Variants in SRGAP3 observed in about 807,000 individuals in gnomAD.
The protein encoded by SRGAP3 is SLIT-ROBO Rho GTPase-activating protein 3.
A neutral mutation model predicts 121.1 loss-of-function variants in SRGAP3; 39 were observed. The ratio of observed to expected loss-of-function variants is 0.32; its 90% CI spans 0.25 to 0.42. SRGAP3 has a LOEUF of 0.42. Ranked by LOEUF, SRGAP3 falls within the 10% of genes least tolerant of loss-of-function variation. The pLI is 1.00. For synonymous variants in SRGAP3, 601 were observed against 570.0 expected, an observed-to-expected ratio of 1.05 and a Z score of -0.77; for missense variants, 1,213 against 1,470.6, an observed-to-expected ratio of 0.82 and a Z score of 2.86.
chr3:8,989,447 C>G (rs1323450132), intron 21 of SRGAP3, among the ~76,000 whole-genome samples: 1 of 152,212 alleles, frequency 6.6e-6, no homozygotes, highest in African/African-American at 2.4e-5. Context: ...CCCTGGGAAC[C>G]CTGCCTGGCC....
intron 3 of SRGAP3, among the ~76,000 whole-genome samples, chr3:9,082,042 C>A (rs761020683): frequency 1.3e-5 from 2 of 152,180 alleles, no homozygotes; most frequent in Non-Finnish European, 2.9e-5. Flanking sequence ...GCATTGGAGG[C>A]AGAGCCTGGC....
At chr3:9,015,456 G>T (rs529635579) in intron 15 of SRGAP3, 141 bp downstream of exon 15, 2 of 1,102,696 alleles carry the variant, frequency 1.8e-6, no homozygotes, top group Non-Finnish European at 2.6e-6. Context: ...TGTTATTTCC[G>T]CTTTCAGTTC....
At chr3:9,280,973 G>GT (rs1954666158) in intron 3 of SRGAP3, among the ~76,000 whole-genome samples, 1 of 152,116 alleles carries the variant, frequency 6.6e-6, no homozygotes, top group African/African-American at 2.4e-5. Context: ...GAATTGTTGG[G>GT]GGTGGTGGGA....
chr3:9,272,752 AT>A (rs1384488262), intron 3 of SRGAP3, among the ~76,000 whole-genome samples: 2 of 152,062 alleles, frequency 1.3e-5, no homozygotes, highest in Non-Finnish European at 2.9e-5. Context: ...GCTTTTAATT[AT>A]TTTTTGTATA....
chr3:9,256,371 C>G (rs1954132942), intron 3 of SRGAP3, among the ~76,000 whole-genome samples: 1 of 152,210 alleles, frequency 6.6e-6, no homozygotes, highest in South Asian at 2.1e-4. Context: ...AAAGTTTGCT[C>G]ATTTCCAGTG....
At chr3:9,331,017 T>G (rs1955596913) in intron 1 of SRGAP3, among the ~76,000 whole-genome samples, 1 of 152,236 alleles carries the variant, frequency 6.6e-6, no homozygotes, top group Non-Finnish European at 1.5e-5. Context: ...TTTAGTTTGC[T>G]TTAACAACTA....
intron 5 of SRGAP3, among the ~76,000 whole-genome samples, chr3:9,064,113 C>T (rs1946306836): frequency 6.6e-6 from 1 of 152,212 alleles, no homozygotes; most frequent in Admixed American, 6.5e-5. Flanking sequence ...TGAATCTCGT[C>T]ACAGTTCAGC....
chr3:9,155,288 T>A (rs1950377747), intron 1 of SRGAP3, among the ~76,000 whole-genome samples: 1 of 152,196 alleles, frequency 6.6e-6, no homozygotes, highest in South Asian at 2.1e-4. Context: ...GTTGTCCCTT[T>A]GTAGGTAATT....
chr3:9,267,315 T>C (rs188675082), intron 3 of SRGAP3, among the ~76,000 whole-genome samples: 1,769 of 152,272 alleles, frequency 0.012, 26 homozygotes, highest in African/African-American at 0.03. Context: ...ACAGAGATGC[T>C]TTCAGATATT....
chr3:9,116,901 C>T (rs1326842508), intron 2 of SRGAP3, among the ~76,000 whole-genome samples: 3 of 152,224 alleles, frequency 2.0e-5, no homozygotes. Context: ...TCACAGACCA[C>T]ATTTCCCATG....
At chr3:9,048,276 C>A (rs1945386427) in intron 9 of SRGAP3, among the ~76,000 whole-genome samples, 1 of 152,234 alleles carries the variant, frequency 6.6e-6, no homozygotes. Flanking sequence ...CTTCCCCCAC[C>A]TGCACTGTCA....
chr3:9,184,637 TAGGC>T (rs1951538951), intron 1 of SRGAP3, among the ~76,000 whole-genome samples: 1 of 152,172 alleles, frequency 6.6e-6, no homozygotes, highest in Non-Finnish European at 1.5e-5. Flanking sequence ...GAATGGGAAT[TAGGC>T]AGAGCCACTC....
intron 1 of SRGAP3, among the ~76,000 whole-genome samples, chr3:9,146,310 T>C (rs1281776598): frequency 6.6e-6 from 1 of 152,180 alleles, no homozygotes; most frequent in East Asian, 1.9e-4. Flanking sequence ...CACACAGCAT[T>C]TCCCTTAGAC....
At chr3:9,347,621 G>A (rs1955930588) in intron 1 of SRGAP3, among the ~76,000 whole-genome samples, 1 of 152,174 alleles carries the variant, frequency 6.6e-6, no homozygotes. Context: ...TAGCAGAAAA[G>A]AGGAGACAGA....
intron 3 of SRGAP3, among the ~76,000 whole-genome samples, chr3:9,314,680 C>T (rs573082799): frequency 1.3e-5 from 2 of 152,274 alleles, no homozygotes; most frequent in Admixed American, 1.3e-4. Context: ...CCCTGCCCTC[C>T]TCTCCCCAGT....
intron 1 of SRGAP3, among the ~76,000 whole-genome samples, chr3:9,331,174 A>C (rs1237784559): frequency 6.6e-6 from 1 of 152,236 alleles, no homozygotes; most frequent in Non-Finnish European, 1.5e-5. Flanking sequence ...AAACAAACAC[A>C]CACAAATAGC....
At chr3:9,229,558 T>C (rs1393116526) in intron 1 of SRGAP3, among the ~76,000 whole-genome samples, 3 of 152,156 alleles carry the variant, frequency 2.0e-5, no homozygotes, top group African/African-American at 7.2e-5. Context: ...AAGATTTCAT[T>C]TCCTAGCCAG....
intron 3 of SRGAP3, among the ~76,000 whole-genome samples, chr3:9,099,022 A>G (rs1194523730): frequency 6.6e-6 from 1 of 152,118 alleles, no homozygotes; most frequent in East Asian, 1.9e-4. Context: ...TCCAGCATGC[A>G]AACACTCACT....
At chr3:9,200,113 G>A (rs901639195) in intron 1 of SRGAP3, among the ~76,000 whole-genome samples, 1 of 152,192 alleles carries the variant, frequency 6.6e-6, no homozygotes, top group African/African-American at 2.4e-5. Flanking sequence ...TGTGCTTGGA[G>A]GGGAGCATAG....
Sources: gnomAD v4.1 joint callset for allele counts (sites outside exome capture counted in the v4.1 genomes callset) on GRCh38, gnomAD v4.1.1 for gene constraint, MANE v1.5 for transcripts, NCBI Gene and HGNC (gene_info 2026-07-23, HGNC 2026-07-21) for gene names.